The following FGD4 variants were observed in gnomAD, a reference collection of about 807,000 sequenced individuals.
The protein encoded by FGD4 is FYVE, RhoGEF and PH domain containing 4.
In FGD4, 42 loss-of-function variants were observed where a neutral mutation model predicts 102.0. That is an observed-to-expected ratio of 0.41 (90% CI 0.32 to 0.53). The LOEUF (loss-of-function observed/expected upper bound fraction) is 0.53, where lower values mean the gene tolerates loss of function less well. Ranked by LOEUF, FGD4 falls within the 20% of genes least tolerant of loss-of-function variation. The pLI is 0.21. For missense variants in FGD4, 902 were observed against 1,078.2 expected, an observed-to-expected ratio of 0.84 and a Z score of 2.29; for synonymous variants, 380 against 375.7, an observed-to-expected ratio of 1.01 and a Z score of -0.13.
chr12:32,600,531 A>G, intron 5 of FGD4: 1 of 1,028,876 alleles, frequency 9.7e-7, no homozygotes, highest in Non-Finnish European at 1.2e-6. Flanking sequence ...CTAGTGAAGT[A>G]TAGCTAAGAC....
intron 1 of FGD4, among the ~76,000 whole-genome samples, chr12:32,429,455 G>A (rs1941971313): frequency 6.6e-6 from 1 of 152,212 alleles, no homozygotes; most frequent in South Asian, 2.1e-4. Context: ...TGTACAAGGT[G>A]TCTGTTGACC....
At chr12:32,619,658 A>G (rs376201967) in intron 10 of FGD4, 40 bp from the exon 11 acceptor site, 34 of 1,610,444 alleles carry the variant, frequency 2.1e-5, no homozygotes, top group African/African-American at 2.7e-5. Context: ...AGTTTCCCCT[A>G]TTTCTTTTCT....
At chr12:32,579,039 G>T (rs1374034946) in intron 3 of FGD4, among the ~76,000 whole-genome samples, 3 of 66,146 alleles carry the variant, frequency 4.5e-5, no homozygotes, top group African/African-American at 6.5e-5. Flanking sequence ...AACATTAGTG[G>T]TTTTTTTTTT....
chr12:32,535,667 G>T (rs1276544905), intron 1 of FGD4, among the ~76,000 whole-genome samples: 1 of 152,022 alleles, frequency 6.6e-6, no homozygotes, highest in Non-Finnish European at 1.5e-5. Context: ...TGCAGCAAAA[G>T]GGAAGTGTTT....
At chr12:32,567,443 C>G (rs1415671472) in intron 2 of FGD4, among the ~76,000 whole-genome samples, 2 of 152,104 alleles carry the variant, frequency 1.3e-5, no homozygotes, top group Admixed American at 6.5e-5. Context: ...TTGGTAGTAT[C>G]TGGGGACATT....
chr12:32,435,888 G>A (rs1043600159), intron 1 of FGD4, among the ~76,000 whole-genome samples: 8 of 152,190 alleles, frequency 5.3e-5, no homozygotes, highest in African/African-American at 1.9e-4. Flanking sequence ...ACAGCAAGGA[G>A]AGCTGAGAAC....
At chr12:32,452,994 T>G (rs1035083959) in intron 1 of FGD4, among the ~76,000 whole-genome samples, 2 of 151,210 alleles carry the variant, frequency 1.3e-5, no homozygotes, top group African/African-American at 2.4e-5. Flanking sequence ...TCTCAAAAAA[T>G]GAGAATGCAC....
At position 32,607,988 on chromosome 12, in the gene FGD4, A is replaced by C. The variant is rs1404354544; in HGVS notation, c.1436A>C (p.Gln479Pro). The C allele has an allele frequency of 6.2e-7, 1 of 1,614,134 alleles. No homozygotes were observed. Among genetic ancestry groups the C allele is most frequent in the East Asian group, 2.2e-5 (1 of 44,904 alleles). Residue 479 changes from glutamine (Q) to proline (P), a missense_variant, in exon 8 of 17, where the codon CAG becomes CCG. Gln to Pro is a moderately conservative substitution (Grantham distance 76). This residue lies in a region of FGD4 where 459 missense variants were observed against 619.0 expected (regional missense o/e 0.74). Transcript: ENST00000534526. The part of the protein sequence containing the change: ...KQKICGSLTL[Q>P]HHMLEPVQRI... Reference sequence around the variant, plus strand: ...AAAATCTGTGGGAGCTTAACTTTGCAGCATCACATGCTAGAACCTGTTCAG... The same window carrying C: ...AAAATCTGTGGGAGCTTAACTTTGCCGCATCACATGCTAGAACCTGTTCAG...
At chr12:32,477,379 T>A (rs1396414967) in intron 1 of FGD4, 1 of 152,438 alleles carries the variant, frequency 6.6e-6, no homozygotes, top group African/African-American at 2.4e-5. Flanking sequence ...GTTGAAATTT[T>A]ATTTTAATAT....
intron 1 of FGD4, among the ~76,000 whole-genome samples, chr12:32,483,223 T>A (rs1311361187): frequency 3.9e-5 from 6 of 152,198 alleles, no homozygotes; most frequent in Admixed American, 3.3e-4. Flanking sequence ...TGTGAGTAAA[T>A]TGATCAGGAT....
intron 1 of FGD4, among the ~76,000 whole-genome samples, chr12:32,497,472 A>G (rs1416797529): frequency 1.3e-5 from 2 of 152,190 alleles, no homozygotes; most frequent in East Asian, 3.8e-4. Flanking sequence ...CCACCTCTTT[A>G]TAGATACTGT....
intron 1 of FGD4, among the ~76,000 whole-genome samples, chr12:32,493,409 G>T (rs1474910239): frequency 6.6e-6 from 1 of 152,158 alleles, no homozygotes; most frequent in African/African-American, 2.4e-5. Flanking sequence ...TGGAGAAGGT[G>T]TGGTAATCTG....
intron 1 of FGD4, among the ~76,000 whole-genome samples, chr12:32,546,466 G>A (rs1392592103): frequency 6.6e-6 from 1 of 152,262 alleles, no homozygotes; most frequent in African/African-American, 2.4e-5. Context: ...GTTGTGACTC[G>A]TGGCTTTGCC....
At chr12:32,576,200 A>G in intron 2 of FGD4, 66 bp from the exon 3 acceptor site, 3 of 1,497,480 alleles carry the variant, frequency 2.0e-6, no homozygotes, top group Non-Finnish European at 2.7e-6. Flanking sequence ...CACCCAGGAC[A>G]CCAGAATTTT....
chr12:32,628,711 G>T (rs1950322784), intron 14 of FGD4, among the ~76,000 whole-genome samples: 1 of 152,096 alleles, frequency 6.6e-6, no homozygotes, highest in African/African-American at 2.4e-5. Context: ...ACTTGAACCG[G>T]GGAGGCGGAG....
chr12:32,432,681 T>TATATA (rs1338017189), intron 1 of FGD4, among the ~76,000 whole-genome samples: 1 of 151,978 alleles, frequency 6.6e-6, no homozygotes, highest in African/African-American at 2.4e-5. Context: ...AGAGAAGGGT[T>TATATA]CTTCATCACT....
At chr12:32,578,486 A>T (rs780198858) in intron 3 of FGD4, among the ~76,000 whole-genome samples, 1 of 152,166 alleles carries the variant, frequency 6.6e-6, no homozygotes, top group East Asian at 1.9e-4. Context: ...GGAAGAACCA[A>T]CATCTGTTAG....
At chr12:32,591,327 G>A (rs923204315) in intron 4 of FGD4, among the ~76,000 whole-genome samples, 2 of 152,198 alleles carry the variant, frequency 1.3e-5, no homozygotes, top group Non-Finnish European at 2.9e-5. Context: ...AGGAAAAGCT[G>A]CAAAACCTTT....
intron 10 of FGD4, among the ~76,000 whole-genome samples, chr12:32,612,556 T>C (rs1170506136): frequency 6.6e-6 from 1 of 152,260 alleles, no homozygotes; most frequent in African/African-American, 2.4e-5. Context: ...AATTTAACTT[T>C]ACACACGTGG....
Sources: gnomAD v4.1 joint callset for allele counts (sites outside exome capture counted in the v4.1 genomes callset) on GRCh38, gnomAD v4.1.1 for gene constraint, gnomAD v4.1.1 regional missense constraint, MANE v1.5 for transcripts, NCBI Gene and HGNC (gene_info 2026-07-23, HGNC 2026-07-21) for gene names.